Variants in INTS6L observed in about 807,000 individuals in gnomAD.
INTS6L encodes the protein integrator complex subunit 6-like.
INTS6L carries 18 observed loss-of-function variants against 64.7 expected under a neutral mutation model. That is an observed-to-expected ratio of 0.28 (90% CI 0.19 to 0.41). INTS6L has a LOEUF of 0.41. Among genes scored for constraint, INTS6L ranks in the 10% least tolerant of loss-of-function variants. The pLI, the probability that INTS6L is intolerant of heterozygous loss-of-function variation, is 1.00. For missense variants in INTS6L, 533 were observed against 661.0 expected (o/e 0.81, Z 2.12); for synonymous variants, 227 against 235.9 (o/e 0.96, Z 0.34).
chrX:135,524,759 A>G (rs1386313714), intron 2 of INTS6L, among the ~76,000 whole-genome samples: 2 of 112,259 alleles, frequency 1.8e-5, no homozygotes, highest in Non-Finnish European at 3.8e-5. Context: ...ATGTGACTAT[A>G]GTATTTCACC....
Position 135,520,889 on chromosome X carries a change from T to C in INTS6L, c.-104T>C. The C allele has an allele frequency of 1.1e-6, 1 of 878,732 alleles. No individual in the cohort carries two copies. Among genetic ancestry groups the C allele is most frequent in the African/African-American group, 2.0e-5 (1 of 51,194 alleles). 72.4% of individuals were successfully genotyped at this position (878,732 alleles called of 1,213,427 possible). ...CGTCTCCCCCTCTTCCTCTTGCTCC[T>C]TGCTCCCCGGCTCTGCGAGAGTTGA... On this transcript the variant is annotated 5_prime_UTR_variant, in exon 1 of 18. Coordinates refer to ENST00000639893, the MANE Select transcript of INTS6L (RefSeq NM_001351601.3).
At chrX:135,563,615 C>T (rs781997155) in intron 9 of INTS6L, among the ~76,000 whole-genome samples, 2 of 45,640 alleles carry the variant, frequency 4.4e-5, no homozygotes, top group African/African-American at 1.0e-4. Flanking sequence ...ATGTATATAT[C>T]CATATGTGTG....
intron 9 of INTS6L, among the ~76,000 whole-genome samples, chrX:135,559,218 C>T (rs2086720485): frequency 8.9e-6 from 1 of 112,019 alleles, no homozygotes; most frequent in Non-Finnish European, 1.9e-5. Flanking sequence ...AACATTGATG[C>T]AGTGAAGATA....
Position 135,524,985 on chromosome X carries a change from C to T in INTS6L, c.189+3667C>T, listed in dbSNP as rs782359167. ...TTATGCATAGTGTTACAAGTGTTGA[C>T]CCCACCTTTATACCGTGGTATCTTC... On this transcript the variant is annotated intron_variant, in intron 2 of 17. Transcript: ENST00000639893. 2.7e-5 allele frequency among the ~76,000 whole-genome samples: 3 copies of T among 112,394 alleles called. No homozygotes were observed. The East Asian group carries it at 8.3e-4, about 31-fold the overall frequency.
At chrX:135,580,223 C>T (rs912276086) in intron 16 of INTS6L, 61 bp downstream of exon 16, 2 of 1,126,226 alleles carry the variant, frequency 1.8e-6, no homozygotes, top group Admixed American at 5.7e-5. Context: ...TTCTGTGATT[C>T]ACTATAGATT....
At chrX:135,541,831 T>C (rs1220931369) in intron 2 of INTS6L, among the ~76,000 whole-genome samples, 1 of 112,413 alleles carries the variant, frequency 8.9e-6, no homozygotes. Context: ...AAATTAGCTG[T>C]CCTGAATTCA....
chrX:135,552,968 A>G (rs1248977212), intron 8 of INTS6L, among the ~76,000 whole-genome samples: 1 of 112,414 alleles, frequency 8.9e-6, no homozygotes, highest in East Asian at 2.8e-4. Context: ...GTTTTATCTT[A>G]AAATGTGAGA....
At chrX:135,541,174 C>T (rs1447738686) in intron 2 of INTS6L, among the ~76,000 whole-genome samples, 1 of 111,524 alleles carries the variant, frequency 9.0e-6, no homozygotes, top group Non-Finnish European at 1.9e-5. Flanking sequence ...TTACCCCTGC[C>T]TTGGATTCTG....
At chrX:135,543,926 C>A (rs1381824232) in intron 2 of INTS6L, among the ~76,000 whole-genome samples, 1 of 112,118 alleles carries the variant, frequency 8.9e-6, no homozygotes, top group Non-Finnish European at 1.9e-5. Flanking sequence ...AAAGGAGCAC[C>A]TGGAAAGTTT....
chrX:135,522,530 A>G (rs2085611853), intron 2 of INTS6L, among the ~76,000 whole-genome samples: 1 of 112,182 alleles, frequency 8.9e-6, no homozygotes, highest in Non-Finnish European at 1.9e-5. Context: ...AATTTTAAAA[A>G]TACTACCACA....
chrX:135,545,410 G>A lies in INTS6L; in HGVS notation c.190-13G>A, dbSNP rs1556514603. 8.3e-7 allele frequency: 1 copy of A among 1,205,508 alleles called. No individual in the cohort carries two copies. Among genetic ancestry groups the A allele is most frequent in the Admixed American group, 2.3e-5 (1 of 44,184 alleles). The stretch of plus-strand genomic sequence containing the variant: ...TATAATCAAGAAATTCTTTGTAAAT[G>A]TTTGGTTTGCAGGCTGGTTGGAAGG... On this transcript the variant is annotated splice_polypyrimidine_tract_variant and intron_variant, in intron 2 of 17. Coordinates refer to ENST00000639893, the MANE Select transcript of INTS6L (RefSeq NM_001351601.3).
intron 2 of INTS6L, among the ~76,000 whole-genome samples, chrX:135,527,187 T>A (rs1220427757): frequency 8.9e-6 from 1 of 112,046 alleles, no homozygotes; most frequent in Non-Finnish European, 1.9e-5. Flanking sequence ...ATCTCTCCCC[T>A]GCATGTAATT....
chrX:135,525,020 A>C lies in INTS6L; in HGVS notation c.189+3702A>C, dbSNP rs571224191. Among the ~76,000 whole-genome samples the C allele has an allele frequency of 2.0e-4, 22 of 112,572 alleles. No individual in the cohort carries two copies. The South Asian group carries it at 8.0e-3, about 41-fold the overall frequency. ...ATACCGTGGTATCTTCAGTGTACAC[A>C]GCTAGTATGAAACCCTGTTTAACAT... On this transcript the variant is annotated intron_variant, in intron 2 of 17. Transcript: ENST00000639893.
rs1556514796 is a variant in INTS6L at position 135,545,600 on chromosome X, A to G, written c.339+28A>G. The G allele has an allele frequency of 3.4e-6, 4 of 1,163,671 alleles. No homozygotes were observed. In the Admixed American group the frequency reaches 8.1e-5, roughly 24 times the overall value. On this transcript the variant is annotated intron_variant, in intron 3 of 17. Transcript: ENST00000639893. Reference sequence around the variant, plus strand: ...AAAAATAATTTGAGTGAGTACAGCTAATTTATTTTGGTGGCTTGGGGTAAG... The same window carrying G: ...AAAAATAATTTGAGTGAGTACAGCTGATTTATTTTGGTGGCTTGGGGTAAG...
At position 135,552,001 on chromosome X, in the gene INTS6L, G is replaced by A. The variant is rs1556517174; in HGVS notation, c.914G>A (p.Arg305Gln). ...PDQNLPSLPPRTSHPVVRFSC... is the reference protein window; with the variant it reads ...PDQNLPSLPPQTSHPVVRFSC... ...TTAAAAAATTTTTTTTAGCCTCCACGAACATCTCATCCTGTTGTGAGGTTC... is the reference window on the plus strand; with the variant it reads ...TTAAAAAATTTTTTTTAGCCTCCACAAACATCTCATCCTGTTGTGAGGTTC... Residue 305 changes from arginine (R) to glutamine (Q), a missense_variant, in exon 8 of 18, where the codon CGA (arginine) becomes CAA (glutamine). Physicochemically the swap from Arg to Gln is conservative, Grantham distance 43 (BLOSUM62 1). Coordinates refer to ENST00000639893, the MANE Select transcript of INTS6L (RefSeq NM_001351601.3). The A allele has an allele frequency of 6.1e-6, 7 of 1,149,249 alleles. No homozygotes were observed. Among genetic ancestry groups the A allele is most frequent in the East Asian group, 3.1e-5 (1 of 31,962 alleles). 94.7% of individuals were successfully genotyped at this position (1,149,249 alleles called of 1,213,427 possible).
chrX:135,549,013 T>C (rs1467055672), intron 6 of INTS6L, among the ~76,000 whole-genome samples: 1 of 111,888 alleles, frequency 8.9e-6, no homozygotes, highest in African/African-American at 3.2e-5. Context: ...GGAGAAACCA[T>C]AGTGAATTAG....
intron 15 of INTS6L, among the ~76,000 whole-genome samples, chrX:135,578,088 T>C (rs938943260): frequency 1.8e-5 from 2 of 111,574 alleles, no homozygotes; most frequent in Non-Finnish European, 3.8e-5. Context: ...CTTTTTCTGG[T>C]TTTGCCTTTT....
At chrX:135,539,961 G>T (rs989192677) in intron 2 of INTS6L, among the ~76,000 whole-genome samples, 4 of 111,595 alleles carry the variant, frequency 3.6e-5, no homozygotes, top group Admixed American at 2.9e-4. Flanking sequence ...CACCATAAAA[G>T]ATATAATAAT....
rs2087336180 is a variant in INTS6L at position 135,580,180 on chromosome X, A to C, written c.2494+18A>C. ...TGGTCGAAGTAAGTAGTGAAAGAAC[A>C]TCTATCAATAATGCACCAGGAGGTT... On this transcript the variant is annotated intron_variant, in intron 16 of 17. Coordinates refer to ENST00000639893, the MANE Select transcript of INTS6L (RefSeq NM_001351601.3). 1.0e-5 allele frequency: 12 copies of C among 1,162,248 alleles called. No homozygotes were observed. The highest frequency in any genetic ancestry group is 1.4e-5 in the Non-Finnish European group (12 of 870,687).
Sources: gnomAD v4.1 joint callset for allele counts (sites outside exome capture counted in the v4.1 genomes callset) on GRCh38, gnomAD v4.1.1 for gene constraint, MANE v1.5 for transcripts, NCBI Gene and HGNC (gene_info 2026-07-23, HGNC 2026-07-21) for gene names.